The following LIPG variants were observed in gnomAD, a reference collection of about 807,000 sequenced individuals.
The protein encoded by LIPG is endothelial lipase.
A neutral mutation model predicts 51.8 loss-of-function variants in LIPG; 34 were observed. That is an observed-to-expected ratio of 0.66 (90% CI 0.50 to 0.87). The LOEUF (loss-of-function observed/expected upper bound fraction) is 0.87, where lower values mean the gene tolerates loss of function less well. Among genes scored for constraint, LIPG ranks in the 40% least tolerant of loss-of-function variants. The pLI, the probability that LIPG is intolerant of heterozygous loss-of-function variation, is 0.00. For missense variants in LIPG, 580 were observed against 652.7 expected, an observed-to-expected ratio of 0.89 and a Z score of 1.21; for synonymous variants, 246 against 246.1, an observed-to-expected ratio of 1.00 and a Z score of 0.00.
chr18:49,587,964 T>C (rs2084901287), intron 9 of LIPG, among the ~76,000 whole-genome samples: 1 of 152,062 alleles, frequency 6.6e-6, no homozygotes, highest in South Asian at 2.1e-4. Flanking sequence ...AATTTGTGTA[T>C]TTTTTTGCAG....
chr18:49,594,143 GT>G lies in LIPG; in HGVS notation c.*3630del, dbSNP rs74176728. On this transcript the variant is annotated 3_prime_UTR_variant, in exon 10 of 10. Transcript: ENST00000261292. ...TTCGTTTGGTGTTTTTTGTTTTTTT[GT>G]TTTTTTTTGAGATGGAGTCTTGCTC... 3 of 150,298 alleles carry G rather than the reference GT, an allele frequency of 2.0e-5. No homozygotes were observed. Among genetic ancestry groups the G allele is most frequent in the South Asian group, 2.1e-4 (1 of 4,740 alleles). 9.3% of individuals were successfully genotyped at this position (150,298 alleles called of 1,614,324 possible).
rs764590627 is a variant in LIPG, at chr18:49,590,893, C to T, written c.*371C>T. On this transcript the variant is annotated 3_prime_UTR_variant, in exon 10 of 10. Transcript: ENST00000261292. ...GAGGAACGCTGGCTCCGAAGAGGCC[C>T]TGTGTAGAAGGCTGTCAGCTGCTCA... 3.0e-4 allele frequency: 109 copies of T among 361,878 alleles called. 1 individual carries two copies. In the Middle Eastern group the frequency reaches 6.6e-3, roughly 22 times the overall value. 22.4% of individuals were successfully genotyped at this position (361,878 alleles called of 1,614,324 possible).
rs2084986894 is a variant in LIPG at position 49,597,175 on chromosome 18, T to G, written c.*6653T>G. Reference sequence around the variant, plus strand: ...GGTTCCTGTTGGGATAGAGAAACAGTGGAGCAGGGCAGCCACCTTACACAT... The same window carrying G: ...GGTTCCTGTTGGGATAGAGAAACAGGGGAGCAGGGCAGCCACCTTACACAT... On this transcript the variant is annotated 3_prime_UTR_variant, in exon 10 of 10. Transcript: ENST00000261292. 6.6e-6 allele frequency: 1 copy of G among 152,096 alleles called. No individual in the cohort carries two copies. Among genetic ancestry groups the G allele is most frequent in the Admixed American group, 6.6e-5 (1 of 15,264 alleles). The allele number at this position is 152,096 out of a possible 1,614,324, so 9.4% of individuals were successfully genotyped here. A position where few individuals can be genotyped will look rare whatever the true frequency, so the allele number is the denominator to read the frequency against.
At chr18:49,577,954 G>A (rs59677798) in intron 5 of LIPG, among the ~76,000 whole-genome samples, 23,451 of 119,888 alleles carry the variant, frequency 0.2, 477 homozygotes, top group Non-Finnish European at 0.23. Flanking sequence ...TGGACGGGGC[G>A]GCTGGCCGGG....
At chr18:49,572,320 CAAAAAT>C (rs2084672040) in intron 4 of LIPG, among the ~76,000 whole-genome samples, 2 of 149,990 alleles carry the variant, frequency 1.3e-5, no homozygotes, top group South Asian at 2.2e-4. Context: ...GACTCTGTCT[CAAAAAT>C]AAAAAATAAA....
At chr18:49,563,745 G>A (rs901988863) in intron 1 of LIPG, among the ~76,000 whole-genome samples, 1 of 152,064 alleles carries the variant, frequency 6.6e-6, no homozygotes, top group East Asian at 1.9e-4. Context: ...AGGACATCTG[G>A]GTGAGGAACA....
chr18:49,564,849 A>C (rs78346464), intron 1 of LIPG, among the ~76,000 whole-genome samples: 1 of 152,172 alleles, frequency 6.6e-6, no homozygotes, highest in Admixed American at 6.5e-5. Flanking sequence ...AAATATTAGG[A>C]TGTTTGATCC....
intron 5 of LIPG, among the ~76,000 whole-genome samples, chr18:49,575,886 T>A (rs2148850816): frequency 6.6e-6 from 1 of 151,772 alleles, no homozygotes; most frequent in Non-Finnish European, 1.5e-5. Flanking sequence ...TTGCCCAGGT[T>A]AGAGTGCAAT....
At position 49,598,569 on chromosome 18, in the gene LIPG, T is replaced by G. The variant is rs2084994064; in HGVS notation, c.*8047T>G. The G allele has an allele frequency of 6.6e-6, 1 of 152,578 alleles. No homozygotes were observed. The highest frequency in any genetic ancestry group is 1.5e-5 in the Non-Finnish European group (1 of 68,232). 9.5% of individuals were successfully genotyped at this position (152,578 alleles called of 1,614,324 possible). ...TCCCTGCTTCTTTCTCCTTCTCCTCTCCTTCTCCTCTTCTCCTTCTTCTTC... is the reference window on the plus strand; with the variant it reads ...TCCCTGCTTCTTTCTCCTTCTCCTCGCCTTCTCCTCTTCTCCTTCTTCTTC... On this transcript the variant is annotated 3_prime_UTR_variant, in exon 10 of 10. Transcript: ENST00000261292.
chr18:49,569,912 G>T (rs1472214220), intron 4 of LIPG, among the ~76,000 whole-genome samples: 4 of 152,174 alleles, frequency 2.6e-5, no homozygotes, highest in Non-Finnish European at 5.9e-5. Flanking sequence ...CAATAGGTGA[G>T]GAAACAAACA....
chr18:49,563,660 T>A lies in LIPG; in HGVS notation c.97+1255T>A, dbSNP rs554485004. ...GGGGGAAGGTGGTGCGATTTTATGA[T>A]GTGGTCAGGGAAGGCCTTTCTGGAG... On this transcript the variant is annotated intron_variant, in intron 1 of 9. Coordinates refer to ENST00000261292, the MANE Select transcript of LIPG (RefSeq NM_006033.4). Among the ~76,000 whole-genome samples the A allele has an allele frequency of 2.6e-5, 4 of 151,704 alleles. No individual in the cohort carries two copies. The South Asian group carries it at 8.4e-4, about 32-fold the overall frequency.
At position 49,575,365 on chromosome 18, in the gene LIPG, G is replaced by T. The variant is rs1369205373; in HGVS notation, c.572-4G>T. The T allele has an allele frequency of 5.6e-6, 9 of 1,611,924 alleles. No homozygotes were observed. The highest frequency in any genetic ancestry group is 7.6e-6 in the Non-Finnish European group (9 of 1,179,846). ...AGCTGTTTTGGGGCCTCCTTCTGCT[G>T]CAGGTTTGGATCCTGCCGGGCCCAT... On this transcript the variant is annotated splice_polypyrimidine_tract_variant and splice_region_variant and intron_variant, in intron 4 of 9. Coordinates refer to ENST00000261292, the MANE Select transcript of LIPG (RefSeq NM_006033.4).
In LIPG at chr18:49,596,864, A is replaced by G. The variant is rs2084985695; in HGVS notation, c.*6342A>G. 1 of 151,208 alleles carries G rather than the reference A, an allele frequency of 6.6e-6. No homozygotes were observed. Among genetic ancestry groups the G allele is most frequent in the Non-Finnish European group, 1.5e-5 (1 of 67,908 alleles). The allele number at this position is 151,208 out of a possible 1,614,324, so 9.4% of individuals were successfully genotyped here. ...GTGCTCCATTTTCCAAATGCATTTG[A>G]CTTCCTACTCTCTTAGCCCCAGCTC... is the stretch of plus-strand genomic sequence containing the variant. On this transcript the variant is annotated 3_prime_UTR_variant, in exon 10 of 10. Transcript: ENST00000261292.
intron 4 of LIPG, among the ~76,000 whole-genome samples, chr18:49,571,161 C>CT (rs923492768): frequency 6.6e-6 from 1 of 152,184 alleles, no homozygotes; most frequent in African/African-American, 2.4e-5. Context: ...TCATTAACCC[C>CT]TTGCTGGTGC....
chr18:49,584,181 C>T (rs982412144), intron 8 of LIPG, among the ~76,000 whole-genome samples: 45 of 152,152 alleles, frequency 3.0e-4, no homozygotes, highest in Non-Finnish European at 5.4e-4. Flanking sequence ...AGTATCACTT[C>T]CAGAGAGCCC....
chr18:49,587,475 A>G (rs1049871520), intron 9 of LIPG, among the ~76,000 whole-genome samples: 1 of 143,740 alleles, frequency 7.0e-6, no homozygotes, highest in East Asian at 2.2e-4. Context: ...AGGCTGAGGC[A>G]GGAGAATGGT....
upstream of LIPG, chr18:49,561,986 T>A: frequency 7.1e-7 from 1 of 1,405,952 alleles, no homozygotes; most frequent in Non-Finnish European, 9.2e-7. Context: ...GAATAAATTA[T>A]GCAAATCACC....
intron 8 of LIPG, among the ~76,000 whole-genome samples, chr18:49,584,167 C>A (rs1483837085): frequency 6.6e-6 from 1 of 152,172 alleles, no homozygotes; most frequent in East Asian, 1.9e-4. Flanking sequence ...GCAAAGCAGA[C>A]TGGAGTATCA....
chr18:49,575,264 C>T, intron 4 of LIPG, 105 bp from the exon 5 acceptor site: 1 of 849,282 alleles, frequency 1.2e-6, no homozygotes. Flanking sequence ...CAGCTGGTCT[C>T]AGAAGTCATC....
Sources: allele counts gnomAD v4.1 joint callset (sites outside exome capture counted in the v4.1 genomes callset), GRCh38; gene constraint gnomAD v4.1.1; transcripts MANE v1.5; gene names NCBI Gene and HGNC (gene_info 2026-07-23, HGNC 2026-07-21).